ESRRG: variants seen among roughly 807,000 people sequenced by gnomAD.
ESRRG encodes estrogen-related receptor gamma.
In ESRRG, 13 loss-of-function variants were observed where a neutral mutation model predicts 44.0. The observed-to-expected ratio is 0.30, with a 90% CI of 0.19 to 0.47. The LOEUF is 0.47. Among genes scored for constraint, ESRRG ranks in the 20% least tolerant of loss-of-function variants. The pLI is 1.00. For missense variants in ESRRG, 395 were observed against 580.6 expected, an observed-to-expected ratio of 0.68 and a Z score of 3.29; for synonymous variants, 215 against 214.6, an observed-to-expected ratio of 1.00 and a Z score of -0.02.
intron 1 of ESRRG, among the ~76,000 whole-genome samples, chr1:216,971,642 G>A (rs188313638): frequency 5.9e-5 from 9 of 152,210 alleles, no homozygotes; most frequent in East Asian, 1.9e-4. Context: ...AAGTAAAACC[G>A]AAATTTGCAA....
chr1:217,063,274 C>G (rs1355685405), intron 1 of ESRRG, among the ~76,000 whole-genome samples: 1 of 152,196 alleles, frequency 6.6e-6, no homozygotes, highest in Non-Finnish European at 1.5e-5. Context: ...ACCGAACAAG[C>G]CACCTCCTGC....
rs1046485987 is a variant in ESRRG at position 216,574,792 on chromosome 1, T to C, written c.590-6694A>G. Among the ~76,000 whole-genome samples, 7 of 152,024 alleles carry C rather than the reference T, an allele frequency of 4.6e-5. No individual in the cohort carries two copies. In the South Asian group the frequency reaches 1.2e-3, roughly 27 times the overall value. The stretch of plus-strand genomic sequence containing the variant: ...AAATGTTATCAAACATAGATTGCAA[T>C]TGAGTATAGGGAGCAGAATGGAAAG... On this transcript the variant is annotated intron_variant, in intron 3 of 6. Transcript: ENST00000408911.
intron 2 of ESRRG, among the ~76,000 whole-genome samples, chr1:216,880,991 T>C (rs2096437357): frequency 1.3e-5 from 2 of 152,072 alleles, no homozygotes. Flanking sequence ...TAATTGAAAA[T>C]GAGTTGTTCT....
chr1:216,643,963 A>G (rs2066978078), intron 3 of ESRRG, among the ~76,000 whole-genome samples: 1 of 152,130 alleles, frequency 6.6e-6, no homozygotes, highest in Non-Finnish European at 1.5e-5. Flanking sequence ...TGGAGCAGGA[A>G]AGACCTCTTA....
intron 1 of ESRRG, among the ~76,000 whole-genome samples, chr1:216,988,569 C>A (rs896475343): frequency 6.6e-6 from 1 of 152,176 alleles, no homozygotes; most frequent in Non-Finnish European, 1.5e-5. Flanking sequence ...GTTTGAGAAC[C>A]CCAACCCTCA....
chr1:216,832,394 G>A (rs2095500992), intron 2 of ESRRG, among the ~76,000 whole-genome samples: 1 of 152,164 alleles, frequency 6.6e-6, no homozygotes, highest in Non-Finnish European at 1.5e-5. Context: ...GGTAGGTGGA[G>A]AACACTAGCA....
chr1:216,813,352 G>A (rs1374729787), intron 2 of ESRRG, among the ~76,000 whole-genome samples: 1 of 152,092 alleles, frequency 6.6e-6, no homozygotes, highest in Non-Finnish European at 1.5e-5. Context: ...AGTTATAAAG[G>A]ACATGTAAAG....
intron 2 of ESRRG, among the ~76,000 whole-genome samples, chr1:216,810,034 T>C (rs1451872144): frequency 6.6e-6 from 1 of 152,060 alleles, no homozygotes; most frequent in East Asian, 1.9e-4. Context: ...AAAAGGACAG[T>C]TCAGTTCACA....
intron 1 of ESRRG, among the ~76,000 whole-genome samples, chr1:216,952,715 T>C (rs1370161152): frequency 6.6e-6 from 1 of 152,134 alleles, no homozygotes; most frequent in African/African-American, 2.4e-5. Flanking sequence ...AAGGGTTATT[T>C]TTTCTTAGTA....
At chr1:216,515,891 A>G (rs1343575409) in intron 6 of ESRRG, among the ~76,000 whole-genome samples, 2 of 152,094 alleles carry the variant, frequency 1.3e-5, no homozygotes, top group Admixed American at 6.6e-5. Context: ...CAAGAGATTC[A>G]ATGAAGAGAA....
intron 1 of ESRRG, among the ~76,000 whole-genome samples, chr1:217,109,720 AAG>A (rs1259557117): frequency 6.6e-6 from 1 of 152,186 alleles, no homozygotes; most frequent in Non-Finnish European, 1.5e-5. Context: ...CTCCAGATGG[AAG>A]GAAATCTCAA....
At chr1:216,829,978 G>T (rs925672070) in intron 2 of ESRRG, among the ~76,000 whole-genome samples, 1 of 152,088 alleles carries the variant, frequency 6.6e-6, no homozygotes, top group Non-Finnish European at 1.5e-5. Context: ...ATCAGCAAAG[G>T]CCTAAGCAAT....
intron 5 of ESRRG, among the ~76,000 whole-genome samples, chr1:216,530,348 T>A: frequency 6.6e-6 from 1 of 151,912 alleles, no homozygotes; most frequent in East Asian, 1.9e-4. Flanking sequence ...ACTGATGTAG[T>A]ACAAGAGACA....
rs566011915 is a variant in ESRRG at position 216,789,124 on chromosome 1, G to A, written c.-13-111633C>T. Among the ~76,000 whole-genome samples the A allele has an allele frequency of 3.3e-5, 5 of 152,278 alleles. No homozygotes were observed. In the South Asian group the frequency reaches 1.0e-3, roughly 32 times the overall value. ...TAGATGATAAAGCAGCAGCAGGGTTGGAGAGGATTGACTCTCATTTTGGCA... is the reference window on the plus strand; with the variant it reads ...TAGATGATAAAGCAGCAGCAGGGTTAGAGAGGATTGACTCTCATTTTGGCA... On this transcript the variant is annotated intron_variant, in intron 2 of 7. Transcript: ENST00000359162.
At chr1:216,913,054 G>A (rs2060661773) in intron 2 of ESRRG, among the ~76,000 whole-genome samples, 1 of 147,384 alleles carries the variant, frequency 6.8e-6, no homozygotes, top group Admixed American at 6.9e-5. Flanking sequence ...ACCCCAGGGT[G>A]TGGAGGTTGC....
In ESRRG at chr1:216,544,773, G is replaced by A. The variant is rs1025484168; in HGVS notation, c.862+19446C>T. Among the ~76,000 whole-genome samples the A allele has an allele frequency of 3.3e-5, 5 of 151,088 alleles. No individual in the cohort carries two copies. The Admixed American group carries it at 3.3e-4, about 10-fold the overall frequency. On this transcript the variant is annotated intron_variant, in intron 5 of 6. Coordinates refer to ENST00000408911, the MANE Select transcript of ESRRG (RefSeq NM_001438.4). ...TGTTTTGTTTTGTTTTTGTAACATTGCTGTAAGGAATTGGAGTTATTCAAA... is the reference window on the plus strand; with the variant it reads ...TGTTTTGTTTTGTTTTTGTAACATTACTGTAAGGAATTGGAGTTATTCAAA...
chr1:217,127,212 C>T (rs917139116), intron 1 of ESRRG, among the ~76,000 whole-genome samples: 5 of 152,206 alleles, frequency 3.3e-5, no homozygotes, highest in African/African-American at 1.2e-4. Flanking sequence ...GAGAACTTTG[C>T]AAAGCTAAAC....
At chr1:216,899,709 A>G (rs138632638) in intron 2 of ESRRG, among the ~76,000 whole-genome samples, 227 of 152,286 alleles carry the variant, frequency 1.5e-3, no homozygotes, top group Non-Finnish European at 2.1e-3. Flanking sequence ...CACGGCACAT[A>G]CAGAAGCTAT....
chr1:216,714,564 C>T, intron 1 of ESRRG: 1 of 982,148 alleles, frequency 1.0e-6, no homozygotes, highest in Non-Finnish European at 1.2e-6. Context: ...CATATGGTGA[C>T]CACATTCTCA....
Sources: gnomAD v4.1 joint callset for allele counts (sites outside exome capture counted in the v4.1 genomes callset) on GRCh38, gnomAD v4.1.1 for gene constraint, MANE v1.5 for transcripts, NCBI Gene and HGNC (gene_info 2026-07-23, HGNC 2026-07-21) for gene names.